CRPPA: variants seen among roughly 807,000 people sequenced by gnomAD.
CRPPA encodes the protein D-ribitol-5-phosphate cytidylyltransferase.
In CRPPA, 43 loss-of-function variants were observed where a neutral mutation model predicts 52.0. That is an observed-to-expected ratio of 0.83 (90% CI 0.65 to 1.07). The LOEUF (loss-of-function observed/expected upper bound fraction) is 1.07. Ranked by LOEUF, CRPPA falls within the 50% of genes least tolerant of loss-of-function variation. The pLI is 0.00. For missense variants in CRPPA, 629 were observed against 551.7 expected, an observed-to-expected ratio of 1.14 and a Z score of -1.40; for synonymous variants, 250 against 203.5, an observed-to-expected ratio of 1.23 and a Z score of -1.94.
chr7:16,349,640 T>A (rs910751218), intron 3 of CRPPA, among the ~76,000 whole-genome samples: 13 of 151,866 alleles, frequency 8.6e-5, no homozygotes, highest in Admixed American at 1.3e-4. Flanking sequence ...GTCAATGGAA[T>A]CAGCAGCAGA....
At chr7:16,134,448 C>T (rs1238571341) in intron 9 of CRPPA, among the ~76,000 whole-genome samples, 1 of 151,864 alleles carries the variant, frequency 6.6e-6, no homozygotes, top group African/African-American at 2.4e-5. Flanking sequence ...TTCCATGAAA[C>T]TGGTCCCTGG....
intron 3 of CRPPA, among the ~76,000 whole-genome samples, chr7:16,357,299 C>T (rs182473102): frequency 2.6e-5 from 4 of 152,234 alleles, no homozygotes; most frequent in Admixed American, 2.6e-4. Context: ...ATGCCTCAGC[C>T]TCCCAAGTAG....
At chr7:16,337,617 T>C (rs1339036016) in intron 3 of CRPPA, among the ~76,000 whole-genome samples, 2 of 151,986 alleles carry the variant, frequency 1.3e-5, no homozygotes, top group Non-Finnish European at 2.9e-5. Context: ...TTTTGCAAAT[T>C]AGAAAACTCC....
rs373721376 is a variant in CRPPA, at chr7:16,364,147, C to T, written c.684+11945G>A. Among the ~76,000 whole-genome samples the T allele has an allele frequency of 5.9e-5, 9 of 152,262 alleles. No individual in the cohort carries two copies. The South Asian group carries it at 1.0e-3, about 18-fold the overall frequency. ...TATTGGAATACAGCCTTTACACTTA[C>T]GTGCCTGAAAGTTAAAGTTGTGTCT... On this transcript the variant is annotated intron_variant, in intron 3 of 9. Transcript: ENST00000407010.
chr7:16,207,724 C>T (rs989112623), intron 9 of CRPPA, among the ~76,000 whole-genome samples: 2 of 152,162 alleles, frequency 1.3e-5, no homozygotes, highest in African/African-American at 2.4e-5. Flanking sequence ...ATTATTTCTT[C>T]ACTATTTCAT....
chr7:16,373,129 T>C (rs1391036961), intron 3 of CRPPA, among the ~76,000 whole-genome samples: 2 of 152,114 alleles, frequency 1.3e-5, no homozygotes, highest in South Asian at 2.1e-4. Context: ...ACCCCATCTT[T>C]ACTAAAAATA....
Position 16,258,448 on chromosome 7 carries a change from A to G in CRPPA, c.1061T>C (p.Leu354Ser), listed in dbSNP as rs932198919. ...ACTACTCTCTTCAAGCATGCTCAGT[A>G]ACTTCTGGGTTTCTTGAAAATCAGA... ...TTSDFQETQK[L>S]LSMLEESSLC... The change falls in exon 8 of 10, where the codon TTA becomes TCA. Residue 354 changes from leucine (L) to serine (S), a missense_variant. Coordinates refer to ENST00000407010, the MANE Select transcript of CRPPA (RefSeq NM_001101426.4). The G allele has an allele frequency of 6.2e-7, 1 of 1,606,760 alleles. No individual in the cohort carries two copies. The highest frequency in any genetic ancestry group is 8.5e-7 in the Non-Finnish European group (1 of 1,176,342).
intron 8 of CRPPA, among the ~76,000 whole-genome samples, chr7:16,236,459 T>C (rs1406004419): frequency 1.3e-5 from 2 of 152,168 alleles, no homozygotes; most frequent in African/African-American, 4.8e-5. Flanking sequence ...TTGAATCATA[T>C]TATACTTTTC....
At chr7:16,204,977 C>T (rs1276975843) in intron 9 of CRPPA, among the ~76,000 whole-genome samples, 1 of 152,168 alleles carries the variant, frequency 6.6e-6, no homozygotes, top group Non-Finnish European at 1.5e-5. Context: ...TATCTCTCCA[C>T]GATTCTTAAC....
chr7:16,157,643 G>C (rs897802257), intron 9 of CRPPA, among the ~76,000 whole-genome samples: 2 of 151,918 alleles, frequency 1.3e-5, no homozygotes, highest in African/African-American at 2.4e-5. Flanking sequence ...CTTTTCCATA[G>C]TGACATACAT....
At chr7:16,357,605 A>G (rs1200912626) in intron 3 of CRPPA, among the ~76,000 whole-genome samples, 2 of 152,188 alleles carry the variant, frequency 1.3e-5, no homozygotes, top group Non-Finnish European at 2.9e-5. Flanking sequence ...ACAAAAAGAT[A>G]GTAGCTGTCT....
intron 5 of CRPPA, among the ~76,000 whole-genome samples, chr7:16,300,784 T>C (rs1301580049): frequency 6.6e-6 from 1 of 152,180 alleles, no homozygotes; most frequent in Non-Finnish European, 1.5e-5. Context: ...AGAAAGACTG[T>C]CCCTAATGCA....
intron 5 of CRPPA, among the ~76,000 whole-genome samples, chr7:16,295,035 C>G (rs186809470): frequency 6.6e-6 from 1 of 152,076 alleles, no homozygotes; most frequent in African/African-American, 2.4e-5. Flanking sequence ...ATTCCTAGTT[C>G]TCAGCAATTC....
At chr7:16,298,767 TAGA>T (rs780035520) in intron 5 of CRPPA, among the ~76,000 whole-genome samples, 3 of 152,190 alleles carry the variant, frequency 2.0e-5, no homozygotes, top group Non-Finnish European at 4.4e-5. Flanking sequence ...TTGGAAGACT[TAGA>T]AGATCATCCT....
rs375806614 is a variant in CRPPA, at chr7:16,179,326, C to T, written c.1251+36740G>A. Among the ~76,000 whole-genome samples the T allele has an allele frequency of 3.3e-5, 5 of 152,128 alleles. No individual in the cohort carries two copies. In the South Asian group the frequency reaches 1.0e-3, roughly 32 times the overall value. On this transcript the variant is annotated intron_variant, in intron 9 of 9. Coordinates refer to ENST00000407010, the MANE Select transcript of CRPPA (RefSeq NM_001101426.4). ...CAAAATAAAGCCTCTCTAAAGATGTCCATTCTTAAATTCTAGAATCCATGA... is the reference window on the plus strand; with the variant it reads ...CAAAATAAAGCCTCTCTAAAGATGTTCATTCTTAAATTCTAGAATCCATGA...
chr7:16,369,568 C>G (rs923837786), intron 3 of CRPPA, among the ~76,000 whole-genome samples: 1 of 152,096 alleles, frequency 6.6e-6, no homozygotes, highest in African/African-American at 2.4e-5. Flanking sequence ...TTCACCTGCC[C>G]TCACAGAACT....
intron 9 of CRPPA, among the ~76,000 whole-genome samples, chr7:16,179,034 T>G (rs1781359902): frequency 6.6e-6 from 1 of 152,048 alleles, no homozygotes; most frequent in South Asian, 2.1e-4. Context: ...TTATCTCAAT[T>G]TAGACACTGT....
At chr7:16,272,476 C>T (rs1784112425) in intron 6 of CRPPA, among the ~76,000 whole-genome samples, 2 of 152,204 alleles carry the variant, frequency 1.3e-5, no homozygotes, top group Non-Finnish European at 1.5e-5. Context: ...CACACCCACA[C>T]TGATCTGCCC....
At chr7:16,169,517 T>C (rs971679099) in intron 9 of CRPPA, among the ~76,000 whole-genome samples, 1 of 152,216 alleles carries the variant, frequency 6.6e-6, no homozygotes, top group Admixed American at 6.5e-5. Flanking sequence ...TTTTACAACA[T>C]ATTAAGTATT....
Sources: gnomAD v4.1 joint callset for allele counts (sites outside exome capture counted in the v4.1 genomes callset) on GRCh38, gnomAD v4.1.1 for gene constraint, MANE v1.5 for transcripts, NCBI Gene and HGNC (gene_info 2026-07-23, HGNC 2026-07-21) for gene names.